Variants in PPIB observed in about 807,000 individuals in gnomAD.
PPIB encodes the protein peptidylprolyl isomerase B.
PPIB carries 15 observed loss-of-function variants against 20.1 expected under a neutral mutation model. That is an observed-to-expected ratio of 0.75 (90% confidence interval 0.50 to 1.15). The LOEUF (loss-of-function observed/expected upper bound fraction) is 1.15. Ranked by LOEUF, PPIB falls within the 50% of genes most tolerant of loss-of-function variation. The pLI is 0.00. For missense variants in PPIB, 278 were observed against 283.0 expected (o/e 0.98, Z 0.13); for synonymous variants, 129 against 111.0 (o/e 1.16, Z -1.02).
Position 64,156,739 on chromosome 15 carries a change from C to G in PPIB, c.514G>C (p.Val172Leu), listed in dbSNP as rs1316594476. Residue 172 changes from valine (V) to leucine (L), a missense_variant, in exon 4 of 5, where the codon GTT becomes CTT. By Grantham distance (32) the Val-to-Leu change is conservative. Transcript: ENST00000300026. The surrounding 1 kb of genome is among the most constrained non-coding windows in gnomAD (Gnocchi z 6.4). ...LDGKHVVFGK[V>L]LEGMEVVRKV... is the part of the protein sequence containing the mutation. ...CCACAACTCACCATGCCCTCTAGAACTTTGCCAAACACCACATGCTTGCCA... is the reference window on the plus strand; with the variant it reads ...CCACAACTCACCATGCCCTCTAGAAGTTTGCCAAACACCACATGCTTGCCA... The G allele has an allele frequency of 6.8e-6, 11 of 1,614,196 alleles. No homozygotes were observed. Among genetic ancestry groups the G allele is most frequent in the Non-Finnish European group, 6.8e-6 (8 of 1,180,044 alleles).
chr15:64,157,084 C>G lies in PPIB; in HGVS notation c.344-175G>C, dbSNP rs2081538853. On this transcript the variant is annotated intron_variant, in intron 3 of 4. Transcript: ENST00000300026. The surrounding 1 kb of genome is among the most constrained non-coding windows in gnomAD (Gnocchi z 4.2). ...CTTCTGGCCTCAGAGCCAAGCCATG[C>G]TGACTGAGGCCAAGTGGGGCATCAG... 1 of 667,220 alleles carries G rather than the reference C, an allele frequency of 1.5e-6. No individual in the cohort carries two copies. Among genetic ancestry groups the G allele is most frequent in the Non-Finnish European group, 2.5e-6 (1 of 396,154 alleles). The allele number at this position is 667,220 out of a possible 1,614,324, so 41.3% of individuals were successfully genotyped here. A position where few individuals can be genotyped will look rare whatever the true frequency, so the allele number is the denominator to read the frequency against.
Position 64,156,686 on chromosome 15 carries a change from G to A in PPIB, c.528+39C>T. ...CTGGGGTCTGTGTTGAATCCCCGGT[G>A]AGGATTGCCCAGTAGTAGCCCTTGC... On this transcript the variant is annotated intron_variant, in intron 4 of 4. Transcript: ENST00000300026. The surrounding 1 kb of genome is among the most constrained non-coding windows in gnomAD (Gnocchi z 6.4). 6.2e-7 allele frequency: 1 copy of A among 1,611,662 alleles called. No homozygotes were observed. Among genetic ancestry groups the A allele is most frequent in the Non-Finnish European group, 8.5e-7 (1 of 1,177,744 alleles).
Position 64,156,175 on chromosome 15 carries a change from A to T in PPIB, c.529-30T>A, listed in dbSNP as rs758291391. On this transcript the variant is annotated intron_variant, in intron 4 of 4. Coordinates refer to ENST00000300026, the MANE Select transcript of PPIB (RefSeq NM_000942.5). This position sits in a 1 kb window ranked among gnomAD's most constrained non-coding sequence, Gnocchi z 6.4. ...AAAAGAAAGGTGGAAGCAGGAGGGC[A>T]TGGTGGATCAGGAGGTCCACCGCTC... is the stretch of plus-strand genomic sequence containing the variant. The T allele has an allele frequency of 1.2e-6, 2 of 1,613,302 alleles. No individual in the cohort carries two copies. The highest frequency in any genetic ancestry group is 1.3e-5 in the African/African-American group (1 of 74,906).
In PPIB at chr15:64,162,945, G is replaced by A. The variant is rs532229131; in HGVS notation, c.42C>T (p.Ala14=). The A allele has an allele frequency of 5.0e-5, 81 of 1,613,532 alleles. No individual in the cohort carries two copies. In the South Asian group the frequency reaches 7.6e-4, roughly 15 times the overall value. The part of the protein sequence containing the change: ...LSERNMKVLL[A]AALIAGSVFF... ...AGACGGACCCCGCGATGAGGGCGGCGGCAAGGAGCACCTTCATGTTGCGTT... is the reference window on the plus strand; with the variant it reads ...AGACGGACCCCGCGATGAGGGCGGCAGCAAGGAGCACCTTCATGTTGCGTT... Residue 14 remains alanine (A), a synonymous_variant, in exon 1 of 5, where the codon GCC becomes GCT. Coordinates refer to ENST00000300026, the MANE Select transcript of PPIB (RefSeq NM_000942.5).
Position 64,159,375 on chromosome 15 carries a change from C to T in PPIB, c.343+729G>A, listed in dbSNP as rs1184213513. 2 of 153,266 alleles carry T rather than the reference C, an allele frequency of 1.3e-5. No homozygotes were observed. Among genetic ancestry groups the T allele is most frequent in the Admixed American group, 1.3e-4 (2 of 15,388 alleles). The allele number at this position is 153,266 out of a possible 1,614,324, so 9.5% of individuals were successfully genotyped here. On this transcript the variant is annotated intron_variant, in intron 3 of 4. Transcript: ENST00000300026. This position sits in a 1 kb window ranked among gnomAD's most constrained non-coding sequence, Gnocchi z 5.1. ...TCACAGAGTGGTCTCTGGTGAAAGA[C>T]TGTCAAGGAAAGTAACTGCTCCCAC...
At position 64,159,762 on chromosome 15, in the gene PPIB, G is replaced by A. The variant is rs28720185; in HGVS notation, c.343+342C>T. On this transcript the variant is annotated intron_variant, in intron 3 of 4. Coordinates refer to ENST00000300026, the MANE Select transcript of PPIB (RefSeq NM_000942.5). The surrounding 1 kb of genome is among the most constrained non-coding windows in gnomAD (Gnocchi z 5.1). ...CTTTGGGCATCTGACCTAGAATCGC[G>A]TACCCACATGTCTTCACTTTGCTTC... 21,293 of 397,846 alleles carry A rather than the reference G, an allele frequency of 0.054. 710 individuals are homozygous for A. Among genetic ancestry groups the A allele is most frequent in the South Asian group, 0.087 (3,822 of 43,760 alleles). 24.6% of individuals were successfully genotyped at this position (397,846 alleles called of 1,614,324 possible).
Position 64,155,916 on chromosome 15 carries a change from G to C in PPIB, c.*107C>G, listed in dbSNP as rs1309296082. 2 of 1,544,166 alleles carry C rather than the reference G, an allele frequency of 1.3e-6. No individual in the cohort carries two copies. The highest frequency in any genetic ancestry group is 1.4e-5 in the African/African-American group (1 of 73,464). ...TGGGCCTGTGGAATGTGAGGGGAGT[G>C]GGTCCGCTCCACCAGATGCCAGCAC... On this transcript the variant is annotated 3_prime_UTR_variant, in exon 5 of 5. Coordinates refer to ENST00000300026, the MANE Select transcript of PPIB (RefSeq NM_000942.5).
Position 64,160,122 on chromosome 15 carries a change from T to A in PPIB, c.325A>T (p.Arg109Trp). 1 of 1,613,822 alleles carries A rather than the reference T, an allele frequency of 6.2e-7. No homozygotes were observed. The highest frequency in any genetic ancestry group is 8.5e-7 in the Non-Finnish European group (1 of 1,179,658). ...DFMIQGGDFT[R>W]GDGTGGKSIY... ...TGGTTACCTCCTGTGCCATCTCCCC[T>A]GGTGAAGTCTCCGCCCTGGATCATG... The change falls in exon 3 of 5, where the codon AGG becomes TGG. Residue 109 changes from arginine (R) to tryptophan (W), a missense_variant. Arg to Trp is a moderately radical substitution (Grantham distance 101, BLOSUM62 -3). Coordinates refer to ENST00000300026, the MANE Select transcript of PPIB (RefSeq NM_000942.5). This position sits in a 1 kb window ranked among gnomAD's most constrained non-coding sequence, Gnocchi z 4.8.
In PPIB at chr15:64,156,165, G is replaced by A. The variant is rs754080129; in HGVS notation, c.529-20C>T. On this transcript the variant is annotated intron_variant, in intron 4 of 4. Coordinates refer to ENST00000300026, the MANE Select transcript of PPIB (RefSeq NM_000942.5). This position sits in a 1 kb window ranked among gnomAD's most constrained non-coding sequence, Gnocchi z 6.4. ...CACCTCCTGGAAAAGAAAGGTGGAA[G>A]CAGGAGGGCATGGTGGATCAGGAGG... The A allele has an allele frequency of 3.1e-6, 5 of 1,613,816 alleles. No individual in the cohort carries two copies. The African/African-American group carries it at 5.3e-5, about 17-fold the overall frequency.
chr15:64,160,741 G>A lies in PPIB; in HGVS notation c.250-544C>T, dbSNP rs1404136962. Among the ~76,000 whole-genome samples the A allele has an allele frequency of 2.0e-5, 3 of 152,114 alleles. No homozygotes were observed. The highest frequency in any genetic ancestry group is 4.4e-5 in the Non-Finnish European group (3 of 68,018). Reference sequence around the variant, plus strand: ...CGCTCACTGCAGCCTCCACCTCCCAGGTTCAAGCGATTCTCCAGCCTCAGC... The same window carrying A: ...CGCTCACTGCAGCCTCCACCTCCCAAGTTCAAGCGATTCTCCAGCCTCAGC... On this transcript the variant is annotated intron_variant, in intron 2 of 4. Transcript: ENST00000300026. The surrounding 1 kb of genome is among the most constrained non-coding windows in gnomAD (Gnocchi z 4.8).
rs1021504514 is a variant in PPIB, at chr15:64,157,993, C to A, written c.344-1084G>T. On this transcript the variant is annotated intron_variant, in intron 3 of 4. Transcript: ENST00000300026. The surrounding 1 kb of genome is among the most constrained non-coding windows in gnomAD (Gnocchi z 4.2). ...TGGAGTGCTGGCTAAAAGCCTCCCC[C>A]ATTTGAGCCAACTGTGGGATTTTGA... Among the ~76,000 whole-genome samples the A allele has an allele frequency of 6.6e-6, 1 of 152,166 alleles. No homozygotes were observed. The highest frequency in any genetic ancestry group is 1.5e-5 in the Non-Finnish European group (1 of 68,026).
At chr15:64,162,020 A>G (rs764647951) in intron 2 of PPIB, 21 bp downstream of exon 2, 1 of 1,552,418 alleles carries the variant, frequency 6.4e-7, no homozygotes, top group South Asian at 1.1e-5. Context: ...TGAGTTGACT[A>G]CCCCTGCTCC....
At position 64,156,430 on chromosome 15, in the gene PPIB, C is replaced by A; in HGVS notation, c.529-285G>T. 1.6e-6 allele frequency: 1 copy of A among 615,654 alleles called. No individual in the cohort carries two copies. The highest frequency in any genetic ancestry group is 2.6e-5 in the Admixed American group (1 of 37,846). 38.1% of individuals were successfully genotyped at this position (615,654 alleles called of 1,614,324 possible). Reference sequence around the variant, plus strand: ...GGCATGTGGCTTCTCAGGGACATTGCGTTCAGCTGCACTCTGTATACCTCA... The same window carrying A: ...GGCATGTGGCTTCTCAGGGACATTGAGTTCAGCTGCACTCTGTATACCTCA... On this transcript the variant is annotated intron_variant, in intron 4 of 4. Coordinates refer to ENST00000300026, the MANE Select transcript of PPIB (RefSeq NM_000942.5). The surrounding 1 kb of genome is among the most constrained non-coding windows in gnomAD (Gnocchi z 6.4).
Position 64,159,977 on chromosome 15 carries a change from G to T in PPIB, c.343+127C>A, listed in dbSNP as rs534673123. On this transcript the variant is annotated intron_variant, in intron 3 of 4. Transcript: ENST00000300026. This position sits in a 1 kb window ranked among gnomAD's most constrained non-coding sequence, Gnocchi z 5.1. The stretch of plus-strand genomic sequence containing the variant: ...AAGGGTGCCGCTGGTCTCAAAGTAG[G>T]TAAGTAATAAGTAGGCCTGCCTCTA... 3 of 818,588 alleles carry T rather than the reference G, an allele frequency of 3.7e-6. No homozygotes were observed. In the African/African-American group the frequency reaches 5.1e-5, roughly 14 times the overall value. 50.7% of individuals were successfully genotyped at this position (818,588 alleles called of 1,614,324 possible). A position where few individuals can be genotyped will look rare whatever the true frequency, so the allele number is the denominator to read the frequency against.
rs767544429 is a variant in PPIB at position 64,156,940 on chromosome 15, G to A, written c.344-31C>T. On this transcript the variant is annotated intron_variant, in intron 3 of 4. Coordinates refer to ENST00000300026, the MANE Select transcript of PPIB (RefSeq NM_000942.5). This position sits in a 1 kb window ranked among gnomAD's most constrained non-coding sequence, Gnocchi z 6.4. Reference sequence around the variant, plus strand: ...AAAAAAGACAGAGCAGGTCAGGGGCGCTGGATTGCGCCAAACCAAGCAGAC... The same window carrying A: ...AAAAAAGACAGAGCAGGTCAGGGGCACTGGATTGCGCCAAACCAAGCAGAC... 1.5e-5 allele frequency: 24 copies of A among 1,609,172 alleles called. No homozygotes were observed. The highest frequency in any genetic ancestry group is 4.4e-5 in the South Asian group (4 of 90,922).
rs753616327 is a variant in PPIB, at chr15:64,156,060, A to T, written c.614T>A (p.Ile205Asn). Residue 205 changes from isoleucine to asparagine, a missense_variant, in exon 5 of 5, where the codon ATC becomes AAC. Physicochemically the swap from Ile to Asn is moderately radical, Grantham distance 149. Transcript: ENST00000300026. The surrounding 1 kb of genome is among the most constrained non-coding windows in gnomAD (Gnocchi z 6.4). ...GATGGCAAAGGGCTTCTCCACCTCG[A>T]TCTTGCCGCAGTCTGCGATGATCAC... ...KDVIIADCGK[I>N]EVEKPFAIAK... 7 of 1,614,122 alleles carry T rather than the reference A, an allele frequency of 4.3e-6. No homozygotes were observed. Among genetic ancestry groups the T allele is most frequent in the Non-Finnish European group, 8.5e-7 (1 of 1,180,022 alleles).
In PPIB at chr15:64,156,333, T is replaced by C; in HGVS notation, c.529-188A>G. 1.2e-6 allele frequency: 1 copy of C among 808,904 alleles called. No homozygotes were observed. Among genetic ancestry groups the C allele is most frequent in the Non-Finnish European group, 2.0e-6 (1 of 497,750 alleles). 50.1% of individuals were successfully genotyped at this position (808,904 alleles called of 1,614,324 possible). On this transcript the variant is annotated intron_variant, in intron 4 of 4. Coordinates refer to ENST00000300026, the MANE Select transcript of PPIB (RefSeq NM_000942.5). The surrounding 1 kb of genome is among the most constrained non-coding windows in gnomAD (Gnocchi z 6.4). ...GGAGAATGCAGATTTGACGAGGGGG[T>C]ACAGGAATTTTGTTCCTTTGAAGTA...
Position 64,156,356 on chromosome 15 carries a change from G to GT in PPIB, c.529-212dup, listed in dbSNP as rs1200577583. 16 of 715,874 alleles carry GT rather than the reference G, an allele frequency of 2.2e-5. No homozygotes were observed. Among genetic ancestry groups the GT allele is most frequent in the Non-Finnish European group, 3.8e-5 (16 of 420,144 alleles). 44.3% of individuals were successfully genotyped at this position (715,874 alleles called of 1,614,324 possible). A position where few individuals can be genotyped will look rare whatever the true frequency, so the allele number is the denominator to read the frequency against. ...GGTACAGGAATTTTGTTCCTTTGAA[G>GT]TAAGACCCAGGTTGGGCCAAGGGTG... On this transcript the variant is annotated intron_variant, in intron 4 of 4. Transcript: ENST00000300026. The surrounding 1 kb of genome is among the most constrained non-coding windows in gnomAD (Gnocchi z 6.4).
rs571808685 is a variant in PPIB at position 64,160,695 on chromosome 15, G to A, written c.250-498C>T. ...GAGTTTCTCTCTTGTCACCCAGGCT[G>A]GAGTGCAATGGCACAATCTCCGCTC... On this transcript the variant is annotated intron_variant, in intron 2 of 4. Transcript: ENST00000300026. The surrounding 1 kb of genome is among the most constrained non-coding windows in gnomAD (Gnocchi z 4.8). Among the ~76,000 whole-genome samples the A allele has an allele frequency of 5.4e-4, 82 of 152,082 alleles. No homozygotes were observed. Among genetic ancestry groups the A allele is most frequent in the African/African-American group, 1.9e-3 (77 of 41,482 alleles).
Sources: allele counts gnomAD v4.1 joint callset (sites outside exome capture counted in the v4.1 genomes callset), GRCh38; gene constraint gnomAD v4.1.1; non-coding constraint Gnocchi (gnomAD v3.1); transcripts MANE v1.5; gene names NCBI Gene and HGNC (gene_info 2026-07-23, HGNC 2026-07-21).